The following HS3ST4 variants were observed in gnomAD, a reference collection of about 807,000 sequenced individuals.
HS3ST4 encodes the protein heparan sulfate glucosamine 3-O-sulfotransferase 4.
HS3ST4 carries 17 observed loss-of-function variants against 29.2 expected under a neutral mutation model. That is an observed-to-expected ratio of 0.58 (90% CI 0.40 to 0.87). The LOEUF (loss-of-function observed/expected upper bound fraction) is 0.87. Among genes scored for constraint, HS3ST4 ranks in the 40% least tolerant of loss-of-function variants. HS3ST4 has a pLI of 0.00. For synonymous variants in HS3ST4, 314 were observed against 285.7 expected, an observed-to-expected ratio of 1.10 and a Z score of -1.00; for missense variants, 627 against 634.5, an observed-to-expected ratio of 0.99 and a Z score of 0.13.
chr16:25,815,544 G>A (rs1374761848), intron 1 of HS3ST4, among the ~76,000 whole-genome samples: 2 of 152,156 alleles, frequency 1.3e-5, no homozygotes, highest in African/African-American at 2.4e-5. Context: ...GGCTAGTCTC[G>A]AACTCCTGAC....
chr16:25,791,789 T>A (rs529262406), intron 1 of HS3ST4, among the ~76,000 whole-genome samples: 2 of 152,248 alleles, frequency 1.3e-5, no homozygotes, highest in Admixed American at 1.3e-4. Flanking sequence ...TTCTTTTGTA[T>A]TTCCTGTATA....
At chr16:25,878,306 C>T (rs1967853970) in intron 1 of HS3ST4, among the ~76,000 whole-genome samples, 2 of 152,092 alleles carry the variant, frequency 1.3e-5, no homozygotes, top group African/African-American at 4.8e-5. Context: ...CCAGGTCTTC[C>T]AGTGACCCCC....
rs191606762 is a variant in HS3ST4, at chr16:25,808,030, C to A, written c.734+114879C>A. 7.2e-5 allele frequency among the ~76,000 whole-genome samples: 11 copies of A among 152,166 alleles called. No homozygotes were observed. In the East Asian group the frequency reaches 2.1e-3, roughly 29 times the overall value. ...AGAGTTCTTTATTCTAGATACCAATCCTTTTTCAGATGTGTGATTTGTAGA... is the reference window on the plus strand; with the variant it reads ...AGAGTTCTTTATTCTAGATACCAATACTTTTTCAGATGTGTGATTTGTAGA... On this transcript the variant is annotated intron_variant, in intron 1 of 1. Coordinates refer to ENST00000331351, the MANE Select transcript of HS3ST4 (RefSeq NM_006040.3).
chr16:26,057,713 T>A (rs916783413), intron 1 of HS3ST4, among the ~76,000 whole-genome samples: 2 of 151,972 alleles, frequency 1.3e-5, no homozygotes, highest in South Asian at 4.1e-4. Flanking sequence ...CACTGCACTC[T>A]AGCCTGGTGA....
chr16:26,005,116 G>T (rs1333291337), intron 1 of HS3ST4, among the ~76,000 whole-genome samples: 4 of 152,104 alleles, frequency 2.6e-5, no homozygotes, highest in Non-Finnish European at 5.9e-5. Context: ...AGCACTAAAA[G>T]CAAAGATCAT....
chr16:25,710,808 CTTT>C (rs34759495), intron 1 of HS3ST4, among the ~76,000 whole-genome samples: 1 of 48,544 alleles, frequency 2.1e-5, no homozygotes, highest in South Asian at 1.4e-3. Flanking sequence ...GCATATTATC[CTTT>C]TTTTTTTTTT....
intron 1 of HS3ST4, among the ~76,000 whole-genome samples, chr16:25,757,535 T>G (rs1966764851): frequency 6.6e-6 from 1 of 150,568 alleles, no homozygotes; most frequent in Non-Finnish European, 1.5e-5. Context: ...TTAGTAATTC[T>G]TGCAATACTG....
intron 1 of HS3ST4, among the ~76,000 whole-genome samples, chr16:25,725,092 A>G (rs552639780): frequency 1.4e-5 from 2 of 145,104 alleles, no homozygotes; most frequent in African/African-American, 2.6e-5. Flanking sequence ...TTATCACACC[A>G]TGATACAGGA....
intron 1 of HS3ST4, among the ~76,000 whole-genome samples, chr16:25,980,537 A>G (rs1205354088): frequency 6.6e-6 from 1 of 152,154 alleles, no homozygotes. Context: ...TGGCATGGTC[A>G]CCATCTCCTG....
chr16:25,770,087 A>T (rs146942259), intron 1 of HS3ST4, among the ~76,000 whole-genome samples: 1 of 152,258 alleles, frequency 6.6e-6, no homozygotes, highest in East Asian at 1.9e-4. Flanking sequence ...AGATCGTGGG[A>T]CCGAGTGCTT....
intron 1 of HS3ST4, among the ~76,000 whole-genome samples, chr16:25,970,879 C>G (rs1345024574): frequency 6.6e-6 from 1 of 152,000 alleles, no homozygotes; most frequent in Admixed American, 6.6e-5. Flanking sequence ...GAGATGGAGT[C>G]TCACTCTGTC....
At chr16:25,870,376 T>C (rs1284721607) in intron 1 of HS3ST4, among the ~76,000 whole-genome samples, 1 of 152,186 alleles carries the variant, frequency 6.6e-6, no homozygotes, top group African/African-American at 2.4e-5. Context: ...TCAACTATGT[T>C]ACACAGTCAG....
chr16:25,696,931 A>G (rs1966302170), intron 1 of HS3ST4, among the ~76,000 whole-genome samples: 1 of 152,230 alleles, frequency 6.6e-6, no homozygotes, highest in South Asian at 2.1e-4. Flanking sequence ...ATGTAGCAGC[A>G]TTTCCACTTT....
At chr16:25,921,970 G>A (rs1424698670) in intron 1 of HS3ST4, among the ~76,000 whole-genome samples, 4 of 151,958 alleles carry the variant, frequency 2.6e-5, no homozygotes, top group Non-Finnish European at 5.9e-5. Context: ...ACCCAGGCTG[G>A]TCTCAAACTC....
chr16:25,890,402 A>G (rs894772002), intron 1 of HS3ST4, among the ~76,000 whole-genome samples: 3 of 152,242 alleles, frequency 2.0e-5, no homozygotes, highest in Admixed American at 6.5e-5. Context: ...GGAATGTGAC[A>G]TAGAGACAGA....
chr16:25,907,412 T>TC (rs371241091), intron 1 of HS3ST4, among the ~76,000 whole-genome samples: 1 of 152,228 alleles, frequency 6.6e-6, no homozygotes, highest in African/African-American at 2.4e-5. Flanking sequence ...TACCTTTTTT[T>TC]CCACATTAGA....
chr16:26,135,918 C>A lies in HS3ST4; in HGVS notation c.1041C>A (p.Phe347Leu). 1 of 1,613,968 alleles carries A rather than the reference C, an allele frequency of 6.2e-7. No homozygotes were observed. The highest frequency in any genetic ancestry group is 8.5e-7 in the Non-Finnish European group (1 of 1,179,870). Residue 347 changes from phenylalanine to leucine, a missense_variant, in exon 2 of 2, where the codon TTC (phenylalanine) becomes TTA (leucine). By Grantham distance (22) the Phe-to-Leu change is conservative (BLOSUM62 0). Around this residue, in one of 2 missense-constraint regions of HS3ST4, gnomAD observed 225 missense variants for 293.7 expected, o/e 0.77. Transcript: ENST00000331351. ...ALHLENWLQY[F>L]PLSQILFVSG... ...ATCTGGAAAACTGGCTCCAGTATTT[C>A]CCCCTCTCCCAGATCCTCTTTGTCA...
chr16:26,060,668 G>A (rs1429731748), intron 1 of HS3ST4, among the ~76,000 whole-genome samples: 1 of 152,130 alleles, frequency 6.6e-6, no homozygotes, highest in Non-Finnish European at 1.5e-5. Context: ...CTGAAATCTG[G>A]TATAAAAACT....
At chr16:26,109,061 G>A (rs1225882503) in intron 1 of HS3ST4, among the ~76,000 whole-genome samples, 1 of 152,136 alleles carries the variant, frequency 6.6e-6, no homozygotes, top group East Asian at 1.9e-4. Context: ...TAAATTAAGT[G>A]TGGGATGAAA....
Sources: gnomAD v4.1 joint callset for allele counts (sites outside exome capture counted in the v4.1 genomes callset) on GRCh38, gnomAD v4.1.1 for gene constraint, gnomAD v4.1.1 regional missense constraint, MANE v1.5 for transcripts, NCBI Gene and HGNC (gene_info 2026-07-23, HGNC 2026-07-21) for gene names.